The following WDFY2 variants were observed in gnomAD, a reference collection of about 807,000 sequenced individuals.
The protein encoded by WDFY2 is WD repeat and FYVE domain-containing protein 2.
A neutral mutation model predicts 56.4 loss-of-function variants in WDFY2; 36 were observed. The observed-to-expected ratio is 0.64, with a 90% confidence interval of 0.49 to 0.84. WDFY2 has a LOEUF of 0.84. WDFY2 is among the 40% of genes least tolerant of loss of function. The probability of loss-of-function intolerance (pLI) is 0.00; values close to 1 mark genes in which losing one functional copy is unlikely to be tolerated. For synonymous variants in WDFY2, 176 were observed against 183.7 expected, an observed-to-expected ratio of 0.96 and a Z score of 0.34; for missense variants, 444 against 512.2, an observed-to-expected ratio of 0.87 and a Z score of 1.29.
At position 51,760,376 on chromosome 13, in the gene WDFY2, A is replaced by G. The variant is rs1367968925; in HGVS notation, c.*607A>G. The G allele has an allele frequency of 6.6e-6, 1 of 152,126 alleles. No homozygotes were observed. The highest frequency in any genetic ancestry group is 1.5e-5 in the Non-Finnish European group (1 of 68,052). 9.4% of individuals were successfully genotyped at this position (152,126 alleles called of 1,614,324 possible). On this transcript the variant is annotated 3_prime_UTR_variant, in exon 12 of 12. Coordinates refer to ENST00000298125, the MANE Select transcript of WDFY2 (RefSeq NM_052950.4). ...ATTGCCTGAAGAGCGATTTGTTTGT[A>G]ATGTCTGCCTCATTCACGTTCTTAT...
At chr13:51,632,833 C>G (rs1954977189) in intron 1 of WDFY2, among the ~76,000 whole-genome samples, 1 of 152,192 alleles carries the variant, frequency 6.6e-6, no homozygotes. Flanking sequence ...GTCTAGTTTG[C>G]TAGCTTCTCT....
chr13:51,653,099 T>C (rs1216158806), intron 1 of WDFY2, among the ~76,000 whole-genome samples: 1 of 152,186 alleles, frequency 6.6e-6, no homozygotes, highest in Non-Finnish European at 1.5e-5. Flanking sequence ...AGGCTTTGTT[T>C]GTTTCTTTTT....
chr13:51,732,435 A>T (rs1471694941), intron 6 of WDFY2, among the ~76,000 whole-genome samples: 1 of 152,206 alleles, frequency 6.6e-6, no homozygotes, highest in Non-Finnish European at 1.5e-5. Context: ...TCATATTTTG[A>T]CCACTGGAAA....
intron 5 of WDFY2, among the ~76,000 whole-genome samples, chr13:51,721,765 A>T (rs1952495952): frequency 6.6e-6 from 1 of 152,124 alleles, no homozygotes; most frequent in African/African-American, 2.4e-5. Flanking sequence ...CCATAGTTCC[A>T]ACCTTTCCTC....
At chr13:51,691,759 T>C (rs1795732251) in intron 3 of WDFY2, among the ~76,000 whole-genome samples, 1 of 152,080 alleles carries the variant, frequency 6.6e-6, no homozygotes, top group African/African-American at 2.4e-5. Flanking sequence ...TTGATGGGGA[T>C]GGCATTGAAT....
intron 3 of WDFY2, among the ~76,000 whole-genome samples, chr13:51,700,826 G>A (rs368796762): frequency 6.6e-6 from 1 of 152,166 alleles, no homozygotes. Context: ...AATTAGCCAG[G>A]CGTGGTGGCG....
At chr13:51,757,710 A>G (rs1953441002) in intron 10 of WDFY2, among the ~76,000 whole-genome samples, 1 of 152,100 alleles carries the variant, frequency 6.6e-6, no homozygotes, top group Admixed American at 6.5e-5. Flanking sequence ...CAGCTTTAGA[A>G]TACTATAGAA....
At chr13:51,623,998 C>G (rs905710866) in intron 1 of WDFY2, among the ~76,000 whole-genome samples, 3 of 152,084 alleles carry the variant, frequency 2.0e-5, no homozygotes, top group African/African-American at 7.2e-5. Flanking sequence ...GCTCAGCATT[C>G]CTTTAAAGAG....
intron 2 of WDFY2, among the ~76,000 whole-genome samples, chr13:51,662,135 T>TAGC (rs1200830166): frequency 6.6e-6 from 1 of 152,080 alleles, no homozygotes; most frequent in Non-Finnish European, 1.5e-5. Context: ...CACACCCAGC[T>TAGC]AATTTTTGTA....
At chr13:51,689,277 G>A (rs542355024) in intron 3 of WDFY2, among the ~76,000 whole-genome samples, 59 of 152,254 alleles carry the variant, frequency 3.9e-4, no homozygotes, top group Non-Finnish European at 6.6e-4. Context: ...ATGATGACAG[G>A]TAAACCGTGA....
chr13:51,644,802 A>G (rs1955235172), intron 1 of WDFY2, among the ~76,000 whole-genome samples: 1 of 152,198 alleles, frequency 6.6e-6, no homozygotes, highest in Non-Finnish European at 1.5e-5. Context: ...CTCCTTGGCA[A>G]GAGGGGACCA....
At chr13:51,645,145 T>C (rs1392121095) in intron 1 of WDFY2, among the ~76,000 whole-genome samples, 1 of 152,172 alleles carries the variant, frequency 6.6e-6, no homozygotes, top group African/African-American at 2.4e-5. Context: ...TTTTTTCTTT[T>C]TTTTCTCTTT....
At chr13:51,707,865 A>G (rs1952117781) in intron 4 of WDFY2, among the ~76,000 whole-genome samples, 1 of 151,770 alleles carries the variant, frequency 6.6e-6, no homozygotes, top group African/African-American at 2.4e-5. Flanking sequence ...AGAATGCTAT[A>G]CACAAAGAGG....
intron 4 of WDFY2, among the ~76,000 whole-genome samples, chr13:51,713,829 A>C (rs553344493): frequency 4.1e-4 from 61 of 148,486 alleles, no homozygotes; most frequent in Non-Finnish European, 7.1e-4. Flanking sequence ...CCTGGGTGAC[A>C]GAGCAAGATT....
intron 4 of WDFY2, among the ~76,000 whole-genome samples, chr13:51,707,939 CTTTTTTTTTTTTTTTTTTT>C (rs56054205): frequency 3.5e-5 from 2 of 57,570 alleles, no homozygotes; most frequent in South Asian, 9.2e-4. Context: ...CCTAAAACAA[CTTTTTTTTTTTTTTTTTTT>C]TTTTTTTTTT....
intron 1 of WDFY2, among the ~76,000 whole-genome samples, chr13:51,612,063 A>T (rs557941380): frequency 6.6e-6 from 1 of 152,106 alleles, no homozygotes; most frequent in African/African-American, 2.4e-5. Flanking sequence ...CATTTTCCTT[A>T]TTCTAGTTGA....
At chr13:51,711,682 A>T (rs907768377) in intron 4 of WDFY2, among the ~76,000 whole-genome samples, 1 of 152,280 alleles carries the variant, frequency 6.6e-6, no homozygotes, top group Admixed American at 6.5e-5. Flanking sequence ...CAACAGACAC[A>T]TGAAAAAATG....
chr13:51,704,114 C>T (rs1002467282), intron 4 of WDFY2, among the ~76,000 whole-genome samples: 4 of 152,184 alleles, frequency 2.6e-5, no homozygotes, highest in Non-Finnish European at 5.9e-5. Context: ...TTTATTCAGA[C>T]TAACAATGTT....
chr13:51,664,526 C>G (rs1955666966), intron 2 of WDFY2, among the ~76,000 whole-genome samples: 1 of 152,160 alleles, frequency 6.6e-6, no homozygotes, highest in African/African-American at 2.4e-5. Flanking sequence ...AAAGAGAAAG[C>G]CCAAGCAAGT....
Sources: allele counts gnomAD v4.1 joint callset (sites outside exome capture counted in the v4.1 genomes callset), GRCh38; gene constraint gnomAD v4.1.1; transcripts MANE v1.5; gene names NCBI Gene and HGNC (gene_info 2026-07-23, HGNC 2026-07-21).